LARGE1: variants seen among roughly 807,000 people sequenced by gnomAD.
LARGE1 encodes the protein LARGE xylosyl- and glucuronyltransferase 1, also known as xylosyl- and glucuronyltransferase LARGE1.
In LARGE1, 43 loss-of-function variants were observed where a neutral mutation model predicts 87.6. The observed-to-expected ratio is 0.49, with a 90% confidence interval of 0.38 to 0.63. The LOEUF (loss-of-function observed/expected upper bound fraction) is 0.63. LARGE1 is among the 30% of genes least tolerant of loss of function. The probability of loss-of-function intolerance (pLI) is 0.00; values close to 1 mark genes in which losing one functional copy is unlikely to be tolerated. For missense variants in LARGE1, 802 were observed against 1,000.2 expected, an observed-to-expected ratio of 0.80 and a Z score of 2.67; for synonymous variants, 434 against 394.6, an observed-to-expected ratio of 1.10 and a Z score of -1.18.
intron 2 of LARGE1, among the ~76,000 whole-genome samples, chr22:33,686,027 C>G (rs772427520): frequency 1.3e-5 from 2 of 152,112 alleles, no homozygotes. Context: ...TAGTATTTAT[C>G]GACTCATCTA....
At chr22:33,279,899 C>T (rs996030173) in intron 13 of LARGE1, among the ~76,000 whole-genome samples, 8 of 152,304 alleles carry the variant, frequency 5.3e-5, no homozygotes, top group East Asian at 3.9e-4. Flanking sequence ...AGCCATCAGG[C>T]CAGGGTTCAA....
chr22:33,801,209 A>G (rs2086150910), intron 1 of LARGE1, among the ~76,000 whole-genome samples: 1 of 152,218 alleles, frequency 6.6e-6, no homozygotes, highest in African/African-American at 2.4e-5. Context: ...TGTAAGTCCA[A>G]TTAAAACTCT....
At chr22:33,857,864 C>G (rs1288014164) in intron 1 of LARGE1, among the ~76,000 whole-genome samples, 1 of 152,158 alleles carries the variant, frequency 6.6e-6, no homozygotes, top group African/African-American at 2.4e-5. Context: ...ACCAGAAATA[C>G]CATTTGACCC....
intron 1 of LARGE1, among the ~76,000 whole-genome samples, chr22:33,917,374 G>C (rs1261363587): frequency 6.6e-6 from 1 of 152,196 alleles, no homozygotes; most frequent in African/African-American, 2.4e-5. Flanking sequence ...CAATTCTGCT[G>C]GAAGGGCTGT....
chr22:33,303,351 C>T (rs775831060), intron 12 of LARGE1, among the ~76,000 whole-genome samples: 62 of 152,138 alleles, frequency 4.1e-4, no homozygotes, highest in Non-Finnish European at 7.9e-4. Context: ...AGATGAGTAA[C>T]CCCGGGCCAA....
intron 11 of LARGE1, among the ~76,000 whole-genome samples, chr22:33,182,369 G>A (rs1485923440): frequency 6.6e-6 from 1 of 151,954 alleles, no homozygotes; most frequent in Non-Finnish European, 1.5e-5. Context: ...TCCTGTTTCT[G>A]TTTGTTTTCT....
At chr22:33,409,035 C>T (rs1006276817) in intron 7 of LARGE1, among the ~76,000 whole-genome samples, 2 of 152,118 alleles carry the variant, frequency 1.3e-5, no homozygotes, top group African/African-American at 2.4e-5. Context: ...CAAAGCAGAA[C>T]GATGCCTGCT....
chr22:33,682,158 GT>G (rs1269135055), intron 2 of LARGE1, among the ~76,000 whole-genome samples: 4 of 152,200 alleles, frequency 2.6e-5, no homozygotes, highest in Non-Finnish European at 4.4e-5. Flanking sequence ...AACTTTGTTA[GT>G]TTTATAGTTT....
At chr22:33,481,220 T>C (rs1035282796) in intron 6 of LARGE1, among the ~76,000 whole-genome samples, 8 of 146,620 alleles carry the variant, frequency 5.5e-5, no homozygotes, top group Non-Finnish European at 1.0e-4. Context: ...GCACTATAGA[T>C]ACACACACAC....
the LARGE1 span, among the ~76,000 whole-genome samples, chr22:33,154,224 A>G: frequency 6.6e-6 from 1 of 151,370 alleles, no homozygotes; most frequent in African/African-American, 2.4e-5. Context: ...TCAGGTTTAC[A>G]TTTTTGTTTT....
chr22:33,292,166 C>A (rs565006393), intron 12 of LARGE1, among the ~76,000 whole-genome samples: 1 of 152,226 alleles, frequency 6.6e-6, no homozygotes, highest in South Asian at 2.1e-4. Flanking sequence ...CCCTCCCAGA[C>A]AACGAATCTG....
intron 11 of LARGE1, among the ~76,000 whole-genome samples, chr22:33,235,429 GA>G: frequency 6.6e-6 from 1 of 152,326 alleles, no homozygotes; most frequent in East Asian, 1.9e-4. Flanking sequence ...TGGACAAAAG[GA>G]AGAGTTAGTT....
At chr22:33,082,455 G>A in the LARGE1 span, among the ~76,000 whole-genome samples, 3 of 152,306 alleles carry the variant, frequency 2.0e-5, no homozygotes, top group South Asian at 4.1e-4. Context: ...GGCTGGAAAG[G>A]AGGTGTGACC....
intron 2 of LARGE1, among the ~76,000 whole-genome samples, chr22:33,745,461 C>A (rs1038546246): frequency 6.6e-6 from 1 of 152,260 alleles, no homozygotes; most frequent in African/African-American, 2.4e-5. Context: ...GGCTCAGAAC[C>A]AGTGCGTGTG....
the LARGE1 span, among the ~76,000 whole-genome samples, chr22:33,127,964 T>G: frequency 1.3e-5 from 2 of 152,266 alleles, no homozygotes; most frequent in African/African-American, 2.4e-5. Flanking sequence ...CTTCATGTGC[T>G]TTCTACCCCT....
At chr22:33,264,757 C>G (rs28464361) in intron 11 of LARGE1, among the ~76,000 whole-genome samples, 1 of 152,022 alleles carries the variant, frequency 6.6e-6, no homozygotes, top group Non-Finnish European at 1.5e-5. Context: ...TAGATGAACT[C>G]TAGTGAGCTC....
chr22:33,747,346 T>C (rs1220732288), intron 2 of LARGE1, among the ~76,000 whole-genome samples: 1 of 152,024 alleles, frequency 6.6e-6, no homozygotes, highest in East Asian at 1.9e-4. Flanking sequence ...ATCCACCATG[T>C]TGCTTCTCCT....
At chr22:33,159,751 AT>A, downstream of LARGE1, among the ~76,000 whole-genome samples, 1 of 151,766 alleles carries the variant, frequency 6.6e-6, no homozygotes, top group African/African-American at 2.4e-5. Flanking sequence ...CGCCTGGCTA[AT>A]TTTTTGTATT....
intron 2 of LARGE1, among the ~76,000 whole-genome samples, chr22:33,656,759 T>C (rs1460755100): frequency 1.3e-5 from 2 of 152,180 alleles, no homozygotes; most frequent in African/African-American, 2.4e-5. Context: ...AAACAAGACA[T>C]TATTCAAAAA....
Sources: gnomAD v4.1 joint callset for allele counts (sites outside exome capture counted in the v4.1 genomes callset) on GRCh38, gnomAD v4.1.1 for gene constraint, MANE v1.5 for transcripts, NCBI Gene and HGNC (gene_info 2026-07-23, HGNC 2026-07-21) for gene names.